Variants in ERICH3 observed in about 807,000 individuals in gnomAD.
ERICH3 encodes glutamate-rich protein 3.
ERICH3 carries 126 observed loss-of-function variants against 131.1 expected under a neutral mutation model. The ratio of observed to expected loss-of-function variants is 0.96; its 90% CI spans 0.83 to 1.11. ERICH3 has a LOEUF of 1.11. Ranked by LOEUF, ERICH3 falls within the 50% of genes most tolerant of loss-of-function variation. ERICH3 has a pLI of 0.00. For missense variants in ERICH3, 2,050 were observed against 1,810.7 expected, an observed-to-expected ratio of 1.13 and a Z score of -2.40; for synonymous variants, 695 against 644.6, an observed-to-expected ratio of 1.08 and a Z score of -1.18.
At chr1:74,624,095 A>T (rs1649329432) in intron 7 of ERICH3, 1 of 152,192 alleles carries the variant, frequency 6.6e-6, no homozygotes, top group Non-Finnish European at 1.5e-5. Context: ...GGACACAGAC[A>T]TGGAACAATT....
In ERICH3 at chr1:74,572,306, G is replaced by A; in HGVS notation, c.3404C>T (p.Ser1135Phe). The A allele has an allele frequency of 6.2e-7, 1 of 1,613,988 alleles. No homozygotes were observed. The highest frequency in any genetic ancestry group is 8.5e-7 in the Non-Finnish European group (1 of 1,180,018). Residue 1135 changes from serine to phenylalanine, a missense_variant, in exon 14 of 15, where the codon TCT becomes TTT. Physicochemically the swap from Ser to Phe is radical, Grantham distance 155. Coordinates refer to ENST00000326665, the MANE Select transcript of ERICH3 (RefSeq NM_001002912.5). ...DAENEAPVEA[S>F]ELSDNPGLLG... is the part of the protein sequence containing the mutation. ...AAGCCCTGGATTGTCAGACAACTCA[G>A]AAGCCTCCACAGGTGCTTCGTTCTC...
chr1:74,649,137 T>C (rs1646510197), intron 2 of ERICH3, 85 bp downstream of exon 2: 1 of 861,924 alleles, frequency 1.2e-6, no homozygotes. Context: ...GTGGAAGATG[T>C]CACTCAAAGA....
At position 74,573,377 on chromosome 1, in the gene ERICH3, T is replaced by G; in HGVS notation, c.2333A>C (p.Asp778Ala). ...AGCATCTCTGTGCTGGGGCGCTTCA[T>G]CTTCCTCCATTGCTTCTTTCTTCTC... ...TLEKKEAMEE[D>A]EAPQHRDADI... The change falls in exon 14 of 15, where the codon GAT becomes GCT. Residue 778 changes from aspartate (D) to alanine (A), a missense_variant. Coordinates refer to ENST00000326665, the MANE Select transcript of ERICH3 (RefSeq NM_001002912.5). 1 of 1,609,348 alleles carries G rather than the reference T, an allele frequency of 6.2e-7. No individual in the cohort carries two copies. Among genetic ancestry groups the G allele is most frequent in the Non-Finnish European group, 8.5e-7 (1 of 1,178,436 alleles).
intron 7 of ERICH3, chr1:74,626,212 G>A (rs1649410613): frequency 6.6e-6 from 1 of 152,112 alleles, no homozygotes; most frequent in South Asian, 2.1e-4. Context: ...TTAGCAACTA[G>A]CTGGATGTGC....
intron 1 of ERICH3, among the ~76,000 whole-genome samples, chr1:74,650,887 GAA>G (rs1463162830): frequency 6.6e-6 from 1 of 151,114 alleles, no homozygotes; most frequent in African/African-American, 2.4e-5. Context: ...TATACACATA[GAA>G]AGAGAGAGAG....
Position 74,636,362 on chromosome 1 carries a change from G to T in ERICH3, c.521C>A (p.Ala174Glu), listed in dbSNP as rs965145108. ...IRLQPLPSNP[A>E]VETVPKVTSR... ...AGTTACCTTTGGAACAGTTTCTACTGCAGGATTACTGGGAAGAGGCTGTAA... is the reference window on the plus strand; with the variant it reads ...AGTTACCTTTGGAACAGTTTCTACTTCAGGATTACTGGGAAGAGGCTGTAA... The change falls in exon 6 of 15, where the codon GCA (alanine) becomes GAA (glutamate). Residue 174 changes from alanine (A) to glutamate (E), a missense_variant. Coordinates refer to ENST00000326665, the MANE Select transcript of ERICH3 (RefSeq NM_001002912.5). The T allele has an allele frequency of 6.2e-7, 1 of 1,613,176 alleles. No homozygotes were observed. Among genetic ancestry groups the T allele is most frequent in the Admixed American group, 1.7e-5 (1 of 59,994 alleles).
At chr1:74,634,860 A>G (rs1266885504) in intron 6 of ERICH3, 1 of 557,292 alleles carries the variant, frequency 1.8e-6, no homozygotes, top group Non-Finnish European at 3.2e-6. Context: ...ATCAGGCCAT[A>G]TAGGCCTTAT....
chr1:74,629,332 C>T (rs1230178492), intron 7 of ERICH3, among the ~76,000 whole-genome samples: 1 of 151,580 alleles, frequency 6.6e-6, no homozygotes, highest in African/African-American at 2.4e-5. Context: ...GTAGTTCTAA[C>T]ATTCCCAAAA....
At chr1:74,573,564 A>G in intron 13 of ERICH3, 73 bp from the exon 14 acceptor site, 1 of 1,401,398 alleles carries the variant, frequency 7.1e-7, no homozygotes, top group South Asian at 1.7e-5. Context: ...ATAATCTTAT[A>G]TCACACTTAT....
intron 11 of ERICH3, among the ~76,000 whole-genome samples, chr1:74,592,423 C>T (rs971076115): frequency 6.6e-6 from 1 of 152,132 alleles, no homozygotes; most frequent in Non-Finnish European, 1.5e-5. Context: ...AAAAGAACAT[C>T]AGCTCTGATT....
In ERICH3 at chr1:74,571,345, C is replaced by T; in HGVS notation, c.4365G>A (p.Gln1455=). 1 of 1,614,050 alleles carries T rather than the reference C, an allele frequency of 6.2e-7. No homozygotes were observed. Among genetic ancestry groups the T allele is most frequent in the Non-Finnish European group, 8.5e-7 (1 of 1,180,010 alleles). ...CATCGCCACTCCCAGTGGCTGCCTC[C>T]TGGCCCTCTGACCCTTCCTCTTGCT... ...GQEQEEGSEG[Q]EAATGSGDGR... Residue 1455 remains glutamine, a synonymous_variant, in exon 14 of 15, where the codon CAG becomes CAA. Coordinates refer to ENST00000326665, the MANE Select transcript of ERICH3 (RefSeq NM_001002912.5).
intron 1 of ERICH3, among the ~76,000 whole-genome samples, chr1:74,654,356 G>GTA (rs142830870): frequency 0.048 from 7,276 of 150,188 alleles, 430 homozygotes; most frequent in African/African-American, 0.14. Flanking sequence ...TAGGATATGT[G>GTA]TATATATATA....
intron 1 of ERICH3, among the ~76,000 whole-genome samples, chr1:74,666,573 A>G (rs904656197): frequency 6.6e-6 from 1 of 152,188 alleles, no homozygotes; most frequent in Non-Finnish European, 1.5e-5. Flanking sequence ...ATATTTCCTG[A>G]TATGACAATT....
chr1:74,615,765 TC>T (rs1325425521), intron 8 of ERICH3, among the ~76,000 whole-genome samples: 6 of 152,188 alleles, frequency 3.9e-5, no homozygotes, highest in Non-Finnish European at 7.3e-5. Context: ...GCTACTCTTA[TC>T]CCCAACATCT....
chr1:74,603,085 G>C (rs1444070458), intron 10 of ERICH3, among the ~76,000 whole-genome samples: 1 of 151,874 alleles, frequency 6.6e-6, no homozygotes, highest in Non-Finnish European at 1.5e-5. Context: ...AGGTGGGGAA[G>C]AAGATACCTA....
chr1:74,657,224 T>C (rs1389857470), intron 1 of ERICH3, among the ~76,000 whole-genome samples: 1 of 152,188 alleles, frequency 6.6e-6, no homozygotes, highest in Non-Finnish European at 1.5e-5. Context: ...TTTTGTTATT[T>C]GTTTTTGTTT....
intron 12 of ERICH3, chr1:74,579,945 A>C: frequency 1.1e-6 from 1 of 921,940 alleles, no homozygotes; most frequent in Non-Finnish European, 1.3e-6. Flanking sequence ...ATATAATGAT[A>C]CTTTAAGGTA....
intron 12 of ERICH3, chr1:74,580,006 T>C: frequency 2.0e-6 from 1 of 504,612 alleles, no homozygotes; most frequent in South Asian, 8.7e-5. Flanking sequence ...CTTTTTAGTA[T>C]AAAAACAAAT....
Position 74,636,325 on chromosome 1 carries a change from T to A in ERICH3, c.558A>T (p.Arg186Ser). The A allele has an allele frequency of 6.2e-7, 1 of 1,612,054 alleles. No individual in the cohort carries two copies. Among genetic ancestry groups the A allele is most frequent in the Non-Finnish European group, 8.5e-7 (1 of 1,178,648 alleles). ...ETVPKVTSRSRSKTSLLENEA... is the reference protein window; with the variant it reads ...ETVPKVTSRSSSKTSLLENEA... ...CATTTTCCAGCAATGAGGTTTTTGA[T>A]CTGGACCTTGAAGTTACCTTTGGAA... Residue 186 changes from arginine to serine, a missense_variant, in exon 6 of 15, where the codon AGA (arginine) becomes AGT (serine). Coordinates refer to ENST00000326665, the MANE Select transcript of ERICH3 (RefSeq NM_001002912.5).
Sources: gnomAD v4.1 joint callset for allele counts (sites outside exome capture counted in the v4.1 genomes callset) on GRCh38, gnomAD v4.1.1 for gene constraint, MANE v1.5 for transcripts, NCBI Gene and HGNC (gene_info 2026-07-23, HGNC 2026-07-21) for gene names.